The following CDK5RAP2 variants were observed in gnomAD, a reference collection of about 807,000 sequenced individuals.
CDK5RAP2 encodes CDK5 regulatory subunit associated protein 2, also known as CDK5 regulatory subunit-associated protein 2.
In CDK5RAP2, 147 loss-of-function variants were observed where a neutral mutation model predicts 232.9. The observed-to-expected ratio is 0.63, with a 90% CI of 0.55 to 0.72. The LOEUF is 0.72. Among genes scored for constraint, CDK5RAP2 ranks in the 30% least tolerant of loss-of-function variants. The probability of loss-of-function intolerance (pLI) is 0.00; values close to 1 mark genes in which losing one functional copy is unlikely to be tolerated. For synonymous variants in CDK5RAP2, 833 were observed against 833.7 expected (o/e 1.00, Z 0.01); for missense variants, 2,195 against 2,231.5 (o/e 0.98, Z 0.33).
chr9:120,440,598 T>C (rs959535652), intron 23 of CDK5RAP2, among the ~76,000 whole-genome samples: 1 of 152,234 alleles, frequency 6.6e-6, no homozygotes, highest in African/African-American at 2.4e-5. Flanking sequence ...AAGACAAATA[T>C]ACTATGTGCT....
At position 120,422,731 on chromosome 9, in the gene CDK5RAP2, A is replaced by G; in HGVS notation, c.3966T>C (p.Val1322=). Residue 1322 remains valine (V), a synonymous_variant, in exon 26 of 38, where the codon GTT becomes GTC. Coordinates refer to ENST00000349780, the MANE Select transcript of CDK5RAP2 (RefSeq NM_018249.6). The part of the protein sequence containing the change: ...LEKLFLNGKS[V]GVEMNTQNEL... ...CATTCTGGGTGTTCATTTCCACTCCAACTGATTTTCCTGGAAGCAGAAATA... is the reference window on the plus strand; with the variant it reads ...CATTCTGGGTGTTCATTTCCACTCCGACTGATTTTCCTGGAAGCAGAAATA... 6.2e-7 allele frequency: 1 copy of G among 1,612,934 alleles called. No homozygotes were observed. Among genetic ancestry groups the G allele is most frequent in the Non-Finnish European group, 8.5e-7 (1 of 1,178,946 alleles).
intron 27 of CDK5RAP2, among the ~76,000 whole-genome samples, chr9:120,417,005 T>A (rs1457760229): frequency 6.6e-6 from 1 of 152,256 alleles, no homozygotes; most frequent in African/African-American, 2.4e-5. Context: ...TTTGGTGGAA[T>A]GTCGTAGCTC....
At chr9:120,494,840 C>G (rs1213228218) in intron 12 of CDK5RAP2, among the ~76,000 whole-genome samples, 1 of 102,202 alleles carries the variant, frequency 9.8e-6, no homozygotes, top group South Asian at 2.7e-4. Context: ...CCATGGTGGC[C>G]GCGGCTGGTG....
intron 10 of CDK5RAP2, 48 bp downstream of exon 10, chr9:120,527,758 C>A: frequency 6.2e-7 from 1 of 1,605,912 alleles, no homozygotes; most frequent in South Asian, 1.1e-5. Flanking sequence ...ACAGGCCAGT[C>A]ATAGAAGCTA....
chr9:120,539,085 G>A lies in CDK5RAP2; in HGVS notation c.463C>T (p.Gln155Ter). 2.5e-6 allele frequency: 4 copies of A among 1,613,956 alleles called. No individual in the cohort carries two copies. The highest frequency in any genetic ancestry group is 3.4e-6 in the Non-Finnish European group (4 of 1,179,846). Reference protein sequence around the residue: ...VKEDARKKVQQVEDLLTKRIL... With the variant: ...VKEDARKKVQ ...CTTTTAGTTAGGAGATCTTCCACCTGCTGCACCTTCTTTCGAGCATCTTCT... is the reference window on the plus strand; with the variant it reads ...CTTTTAGTTAGGAGATCTTCCACCTACTGCACCTTCTTTCGAGCATCTTCT... The change falls in exon 6 of 38, where the codon CAG becomes TAG. Residue 155 changes from glutamine (Q) to a stop codon, truncating the protein, a stop_gained. Transcript: ENST00000349780. LOFTEE classifies it high-confidence loss of function.
chr9:120,522,990 G>A (rs2040738958), intron 11 of CDK5RAP2, among the ~76,000 whole-genome samples: 1 of 152,206 alleles, frequency 6.6e-6, no homozygotes, highest in Non-Finnish European at 1.5e-5. Context: ...AGGCTTTGAA[G>A]ACAGACTTGA....
chr9:120,444,258 T>C (rs1041818365), intron 22 of CDK5RAP2, among the ~76,000 whole-genome samples: 5 of 152,210 alleles, frequency 3.3e-5, no homozygotes, highest in Admixed American at 2.6e-4. Flanking sequence ...CTACAAAATA[T>C]AAAAAATTTA....
chr9:120,502,037 T>C (rs1167723771), intron 12 of CDK5RAP2, among the ~76,000 whole-genome samples: 1 of 152,160 alleles, frequency 6.6e-6, no homozygotes, highest in Non-Finnish European at 1.5e-5. Flanking sequence ...GCACCTGCCT[T>C]ATTCCAGGTC....
intron 18 of CDK5RAP2, chr9:120,460,878 A>G: frequency 1.4e-6 from 1 of 732,570 alleles, no homozygotes; most frequent in Non-Finnish European, 2.2e-6. Flanking sequence ...GCCTGGATCA[A>G]GCATAATTTA....
At chr9:120,523,169 G>T (rs1049186699) in intron 11 of CDK5RAP2, among the ~76,000 whole-genome samples, 1 of 152,168 alleles carries the variant, frequency 6.6e-6, no homozygotes, top group Non-Finnish European at 1.5e-5. Context: ...ACTGTACATT[G>T]TAAGACCTCA....
intron 23 of CDK5RAP2, among the ~76,000 whole-genome samples, chr9:120,441,587 G>A (rs756027404): frequency 6.6e-6 from 1 of 152,210 alleles, no homozygotes; most frequent in Non-Finnish European, 1.5e-5. Context: ...ACGTGGGTTG[G>A]ACTGGGTGAC....
At chr9:120,547,461 AG>A (rs2041890512) in intron 4 of CDK5RAP2, among the ~76,000 whole-genome samples, 1 of 152,092 alleles carries the variant, frequency 6.6e-6, no homozygotes, top group Non-Finnish European at 1.5e-5. Flanking sequence ...AAAATTAGCC[AG>A]GAGTGGTGGC....
chr9:120,567,813 G>T (rs1346426342), intron 3 of CDK5RAP2, among the ~76,000 whole-genome samples: 1 of 152,142 alleles, frequency 6.6e-6, no homozygotes, highest in Non-Finnish European at 1.5e-5. Context: ...TAAAAACCTG[G>T]ATTCAAATCC....
chr9:120,408,706 C>A (rs1032798892), intron 30 of CDK5RAP2, among the ~76,000 whole-genome samples: 9 of 152,242 alleles, frequency 5.9e-5, no homozygotes, highest in African/African-American at 1.9e-4. Context: ...ACTGACTCTG[C>A]AGCCCGATGT....
intron 22 of CDK5RAP2, among the ~76,000 whole-genome samples, chr9:120,444,694 A>G (rs1042134345): frequency 6.6e-5 from 10 of 152,254 alleles, no homozygotes; most frequent in Non-Finnish European, 1.0e-4. Flanking sequence ...ATGGATCTTC[A>G]TAAAATCCAT....
chr9:120,479,921 G>C (rs2038213189), intron 14 of CDK5RAP2, among the ~76,000 whole-genome samples: 1 of 152,152 alleles, frequency 6.6e-6, no homozygotes, highest in East Asian at 1.9e-4. Context: ...TTATACAGGA[G>C]AATGTTCCTG....
intron 25 of CDK5RAP2, among the ~76,000 whole-genome samples, chr9:120,434,861 T>C (rs1157838296): frequency 6.6e-6 from 1 of 152,102 alleles, no homozygotes; most frequent in African/African-American, 2.4e-5. Context: ...GTGGAGGGGT[T>C]GAGATAACTC....
At chr9:120,505,165 T>C (rs2039751720) in intron 12 of CDK5RAP2, among the ~76,000 whole-genome samples, 2 of 152,190 alleles carry the variant, frequency 1.3e-5, no homozygotes, top group Non-Finnish European at 2.9e-5. Flanking sequence ...TCTGTCAGCA[T>C]CACTTTTCCA....
Position 120,419,826 on chromosome 9 carries a change from G to A in CDK5RAP2, c.4139C>T (p.Thr1380Ile), listed in dbSNP as rs1469996538. The A allele has an allele frequency of 6.2e-7, 1 of 1,613,960 alleles. No individual in the cohort carries two copies. Among genetic ancestry groups the A allele is most frequent in the South Asian group, 1.1e-5 (1 of 91,074 alleles). Reference sequence around the variant, plus strand: ...GTTCACCATAACTGAAGTCTTCTCTGTCTCATTATCTTGCTTCTGGTCTCG... The same window carrying A: ...GTTCACCATAACTGAAGTCTTCTCTATCTCATTATCTTGCTTCTGGTCTCG... Reference protein sequence around the residue: ...FSRDQKQDNETEKTSVMVNSF... With the variant: ...FSRDQKQDNEIEKTSVMVNSF... Residue 1380 changes from threonine (T) to isoleucine (I), a missense_variant, in exon 27 of 38, where the codon ACA becomes ATA. By Grantham distance (89) the Thr-to-Ile change is moderately conservative (BLOSUM62 -1). Transcript: ENST00000349780.
Sources: allele counts gnomAD v4.1 joint callset (sites outside exome capture counted in the v4.1 genomes callset), GRCh38; gene constraint gnomAD v4.1.1; transcripts MANE v1.5; gene names NCBI Gene and HGNC (gene_info 2026-07-23, HGNC 2026-07-21).